Variants in TBCD observed in about 807,000 individuals in gnomAD.
The protein encoded by TBCD is tubulin folding cofactor D, also known as tubulin-specific chaperone D.
In TBCD, 105 loss-of-function variants were observed where a neutral mutation model predicts 169.3. The observed-to-expected ratio is 0.62, with a 90% CI of 0.53 to 0.73. The LOEUF (loss-of-function observed/expected upper bound fraction) is 0.73. Among genes scored for constraint, TBCD ranks in the 30% least tolerant of loss-of-function variants. The pLI is 0.00. For missense variants in TBCD, 1,444 were observed against 1,600.1 expected (o/e 0.90, Z 1.66); for synonymous variants, 700 against 643.9 (o/e 1.09, Z -1.32).
Position 82,880,132 on chromosome 17 carries a change from T to G in TBCD, c.1476-4013T>G, listed in dbSNP as rs2058256378. ...CTGTGGTCCTTTCTTCTGCCTCCTGTGTCTGTCCTTCCTTCTTCCTTCCTG... is the reference window on the plus strand; with the variant it reads ...CTGTGGTCCTTTCTTCTGCCTCCTGGGTCTGTCCTTCCTTCTTCCTTCCTG... On this transcript the variant is annotated intron_variant, in intron 14 of 38. Transcript: ENST00000355528. The surrounding 1 kb of genome is among the most constrained non-coding windows in gnomAD (Gnocchi z 5.0). 1.3e-5 allele frequency among the ~76,000 whole-genome samples: 2 copies of G among 152,168 alleles called. No homozygotes were observed.
At chr17:82,867,249 TG>T (rs2145904509) in intron 13 of TBCD, among the ~76,000 whole-genome samples, 1 of 152,312 alleles carries the variant, frequency 6.6e-6, no homozygotes, top group East Asian at 1.9e-4. Context: ...GTGCATGCGT[TG>T]GGCGTGCAGG....
At chr17:82,937,908 TCCGG>T in intron 35 of TBCD, 137 bp from the exon 36 acceptor site, 1 of 1,531,672 alleles carries the variant, frequency 6.5e-7, no homozygotes, top group Non-Finnish European at 8.8e-7. Context: ...CACACACACC[TCCGG>T]CTTGGGGCCC....
At chr17:82,767,825 A>G (rs1400192381) in intron 4 of TBCD, among the ~76,000 whole-genome samples, 9 of 152,014 alleles carry the variant, frequency 5.9e-5, no homozygotes, top group Admixed American at 5.9e-4. Context: ...CATGGTGGCA[A>G]ACGCCTGTAG....
intron 13 of TBCD, among the ~76,000 whole-genome samples, chr17:82,828,385 T>TAC (rs138156874): frequency 7.2e-6 from 1 of 139,526 alleles, no homozygotes; most frequent in Non-Finnish European, 1.5e-5. Flanking sequence ...CACTCACAGA[T>TAC]ACATGCACAC....
intron 17 of TBCD, among the ~76,000 whole-genome samples, chr17:82,895,184 C>T (rs2059393601): frequency 6.6e-6 from 1 of 152,270 alleles, no homozygotes; most frequent in Non-Finnish European, 1.5e-5. Context: ...TTGGCTTCCT[C>T]ACGATGCCAG....
Position 82,930,752 on chromosome 17 carries a change from G to A in TBCD, c.3113+109G>A. The A allele has an allele frequency of 6.6e-7, 1 of 1,517,160 alleles. No individual in the cohort carries two copies. Among genetic ancestry groups the A allele is most frequent in the African/African-American group, 1.4e-5 (1 of 73,058 alleles). 94.0% of individuals were successfully genotyped at this position (1,517,160 alleles called of 1,614,324 possible). ...AGGGTCTGTCTGGGGTCTGAAGGGA[G>A]AAGCGAGACACACGCTGTACCAGTT... is the stretch of plus-strand genomic sequence containing the variant. On this transcript the variant is annotated intron_variant, in intron 33 of 38. Transcript: ENST00000355528. This position sits in a 1 kb window ranked among gnomAD's most constrained non-coding sequence, Gnocchi z 5.2.
intron 13 of TBCD, among the ~76,000 whole-genome samples, chr17:82,824,514 C>T (rs1383247302): frequency 3.9e-5 from 6 of 152,098 alleles, no homozygotes; most frequent in Non-Finnish European, 8.8e-5. Context: ...TAGGATCTCA[C>T]TGTATTGTCC....
Position 82,900,638 on chromosome 17 carries a change from CTG to C in TBCD, c.1650-11_1650-10del. 6.2e-7 allele frequency: 1 copy of C among 1,611,974 alleles called. No individual in the cohort carries two copies. The stretch of plus-strand genomic sequence containing the variant: ...TTCCGCGTCTCACCACCTCTCCATG[CTG>C]TCTTTTCCAGTGTGTTTATTGCCGG... On this transcript the variant is annotated splice_polypyrimidine_tract_variant and intron_variant, in intron 17 of 38. Coordinates refer to ENST00000355528, the MANE Select transcript of TBCD (RefSeq NM_005993.5).
At chr17:82,803,091 C>T (rs892825256) in intron 9 of TBCD, among the ~76,000 whole-genome samples, 1 of 152,082 alleles carries the variant, frequency 6.6e-6, no homozygotes, top group African/African-American at 2.4e-5. Context: ...CTGTTAGTAC[C>T]GTTCTCTTCT....
At chr17:82,859,973 T>G (rs980410867) in intron 13 of TBCD, 26 of 837,614 alleles carry the variant, frequency 3.1e-5, no homozygotes, top group Non-Finnish European at 3.7e-5. Flanking sequence ...GCTCTTGGGC[T>G]TCATGTGTCC....
chr17:82,754,023 C>T (rs1282696095), intron 1 of TBCD, among the ~76,000 whole-genome samples: 1 of 152,032 alleles, frequency 6.6e-6, no homozygotes, highest in Non-Finnish European at 1.5e-5. Context: ...ACTACAGGTG[C>T]GCGCCACCAC....
intron 37 of TBCD, among the ~76,000 whole-genome samples, chr17:82,940,221 G>GCACACA (rs71168175): frequency 0.023 from 3,015 of 131,788 alleles, 78 homozygotes; most frequent in African/African-American, 0.052. Context: ...TTGCACGCGC[G>GCACACA]CACACACACA....
chr17:82,926,907 G>C lies in TBCD; in HGVS notation c.2472-279G>C, dbSNP rs1304216988. On this transcript the variant is annotated intron_variant, in intron 28 of 38. Coordinates refer to ENST00000355528, the MANE Select transcript of TBCD (RefSeq NM_005993.5). ...GCACGCCCCCTTCTCTCCTATGCCA[G>C]CATCCGTTCCCTCTAGTCAGGGTGG... The C allele has an allele frequency of 1.5e-5, 8 of 530,148 alleles. No homozygotes were observed. The East Asian group carries it at 2.3e-4, about 15-fold the overall frequency. 32.8% of individuals were successfully genotyped at this position (530,148 alleles called of 1,614,324 possible). A position where few individuals can be genotyped will look rare whatever the true frequency, so the allele number is the denominator to read the frequency against.
chr17:82,782,945 G>A lies in TBCD; in HGVS notation c.771+1224G>A, dbSNP rs1251510760. Among the ~76,000 whole-genome samples, 4 of 150,530 alleles carry A rather than the reference G, an allele frequency of 2.7e-5. No individual in the cohort carries two copies. The highest frequency in any genetic ancestry group is 3.0e-5 in the Non-Finnish European group (2 of 67,622). ...TCCTGTCCATGGCGGCCTCCTGTCC[G>A]CGGTGCCCTCCTGTCCATGGTGGCC... On this transcript the variant is annotated intron_variant, in intron 7 of 38. Coordinates refer to ENST00000355528, the MANE Select transcript of TBCD (RefSeq NM_005993.5). The surrounding 1 kb of genome is among the most constrained non-coding windows in gnomAD (Gnocchi z 5.1).
Position 82,864,447 on chromosome 17 carries a change from G to A in TBCD, c.1319-5777G>A, listed in dbSNP as rs780560861. On this transcript the variant is annotated intron_variant, in intron 13 of 38. Transcript: ENST00000355528. The surrounding 1 kb of genome is among the most constrained non-coding windows in gnomAD (Gnocchi z 6.3). ...ACAACTGTAAGAATCTGAGCTTGGT[G>A]ACAGTTGGGTGACCCGGGCTCTGTG... The A allele has an allele frequency of 3.9e-5, 6 of 152,248 alleles. No individual in the cohort carries two copies. Among genetic ancestry groups the A allele is most frequent in the Non-Finnish European group, 7.3e-5 (5 of 68,064 alleles). 9.4% of individuals were successfully genotyped at this position (152,248 alleles called of 1,614,324 possible).
rs1567886421 is a variant in TBCD, at chr17:82,849,926, T to TGCTG, written c.1319-20298_1319-20297insGCTG. Among the ~76,000 whole-genome samples, 380 of 150,470 alleles carry TGCTG rather than the reference T, an allele frequency of 2.5e-3. 23 individuals carry two copies. Among genetic ancestry groups the TGCTG allele is most frequent in the African/African-American group, 8.8e-3 (357 of 40,492 alleles). On this transcript the variant is annotated intron_variant, in intron 13 of 38. Coordinates refer to ENST00000355528, the MANE Select transcript of TBCD (RefSeq NM_005993.5). ...TTGTTGGCTGTGCTGTTGTTGGCTG[T>TGCTG]TTTGCTGTTGGCTGTGCTGTTGTTG...
At chr17:82,877,398 T>G (rs1599139950) in intron 14 of TBCD, among the ~76,000 whole-genome samples, 3 of 151,994 alleles carry the variant, frequency 2.0e-5, no homozygotes. Flanking sequence ...CAGGCTGGAG[T>G]GCAGTGGTGC....
chr17:82,838,995 G>A, intron 13 of TBCD: 3 of 984,470 alleles, frequency 3.0e-6, no homozygotes, highest in Non-Finnish European at 3.6e-6. Context: ...AAGTTTATGA[G>A]AAATTTCATA....
intron 14 of TBCD, 84 bp downstream of exon 14, chr17:82,870,464 A>G (rs949153162): frequency 2.0e-6 from 3 of 1,488,462 alleles, no homozygotes; most frequent in Non-Finnish European, 2.7e-6. Flanking sequence ...AGGTGTGCAC[A>G]GCAGATGCTC....
Sources: gnomAD v4.1 joint callset for allele counts (sites outside exome capture counted in the v4.1 genomes callset) on GRCh38, gnomAD v4.1.1 for gene constraint, Gnocchi (gnomAD v3.1) non-coding constraint, MANE v1.5 for transcripts, NCBI Gene and HGNC (gene_info 2026-07-23, HGNC 2026-07-21) for gene names.